Variants in PCDHGA1 observed in about 807,000 individuals in gnomAD.
PCDHGA1 encodes the protein protocadherin gamma-A1.
In PCDHGA1, 32 loss-of-function variants were observed where a neutral mutation model predicts 58.0. That is an observed-to-expected ratio of 0.55 (90% confidence interval 0.42 to 0.74). The LOEUF (loss-of-function observed/expected upper bound fraction) is 0.74. Among genes scored for constraint, PCDHGA1 ranks in the 30% least tolerant of loss-of-function variants. The pLI, the probability that PCDHGA1 is intolerant of heterozygous loss-of-function variation, is 0.00. For missense variants in PCDHGA1, 1,205 were observed against 1,182.3 expected (o/e 1.02, Z -0.28); for synonymous variants, 498 against 501.1 (o/e 0.99, Z 0.08).
intron 1 of PCDHGA1, chr5:141,370,631 C>A (rs1192871928): frequency 6.2e-7 from 1 of 1,613,710 alleles, no homozygotes; most frequent in South Asian, 1.1e-5. Flanking sequence ...CCGTGAGCCC[C>A]GAAAATGGGA....
At chr5:141,381,657 C>A (rs1224064730) in intron 1 of PCDHGA1, among the ~76,000 whole-genome samples, 1 of 152,134 alleles carries the variant, frequency 6.6e-6, no homozygotes, top group Non-Finnish European at 1.5e-5. Context: ...AAATGGGTTG[C>A]TTCTATAGCT....
chr5:141,450,052 G>C (rs2098667259), intron 1 of PCDHGA1, among the ~76,000 whole-genome samples: 1 of 141,832 alleles, frequency 7.1e-6, no homozygotes, highest in African/African-American at 2.7e-5. Flanking sequence ...TTTCGCCCAG[G>C]CTGGAATGCA....
At position 141,512,047 on chromosome 5, in the gene PCDHGA1, C is replaced by T. The variant is rs1183612907; in HGVS notation, c.*874C>T. 1 of 152,722 alleles carries T rather than the reference C, an allele frequency of 6.5e-6. No individual in the cohort carries two copies. The highest frequency in any genetic ancestry group is 1.5e-5 in the Non-Finnish European group (1 of 68,120). The allele number at this position is 152,722 out of a possible 1,614,324, so 9.5% of individuals were successfully genotyped here. A position where few individuals can be genotyped will look rare whatever the true frequency, so the allele number is the denominator to read the frequency against. On this transcript the variant is annotated 3_prime_UTR_variant, in exon 4 of 4. Coordinates refer to ENST00000517417, the MANE Select transcript of PCDHGA1 (RefSeq NM_018912.3). The stretch of plus-strand genomic sequence containing the variant: ...CCTTGGAGGAGGCTCTGTATGTCCT[C>T]AGGGGACTGACAACATCCTCCAGAT...
At position 141,393,513 on chromosome 5, in the gene PCDHGA1, G is replaced by A. The variant is rs376672994; in HGVS notation, c.2421+60408G>A. The A allele has an allele frequency of 6.6e-5, 107 of 1,614,000 alleles. 1 individual carries two copies. In the Middle Eastern group the frequency reaches 1.3e-3, roughly 20 times the overall value. ...AGTGCGCATCCACGTGACAGTGTTG[G>A]ATACAAATGACAATGCCCCGGTTTT... On this transcript the variant is annotated intron_variant, in intron 1 of 3. Transcript: ENST00000517417.
At chr5:141,355,909 G>A (rs760991586) in intron 1 of PCDHGA1, 15 of 1,613,730 alleles carry the variant, frequency 9.3e-6, no homozygotes, top group Non-Finnish European at 1.2e-5. Flanking sequence ...GGATACCAAC[G>A]ATAATGCTCC....
intron 1 of PCDHGA1, among the ~76,000 whole-genome samples, chr5:141,363,946 A>T (rs1763122244): frequency 1.3e-5 from 2 of 152,228 alleles, no homozygotes; most frequent in African/African-American, 4.8e-5. Flanking sequence ...AATCATATTG[A>T]TCTCAGGGAT....
At chr5:141,351,119 C>G in intron 1 of PCDHGA1, 1 of 1,614,056 alleles carries the variant, frequency 6.2e-7, no homozygotes, top group Non-Finnish European at 8.5e-7. Flanking sequence ...AAGTACCAGC[C>G]TCTTCAATCT....
At chr5:141,398,009 C>T (rs1589315775) in intron 1 of PCDHGA1, 2 of 1,400,564 alleles carry the variant, frequency 1.4e-6, no homozygotes, top group Non-Finnish European at 1.9e-6. Flanking sequence ...GAAAAAGAAT[C>T]GTTTCCTAAA....
In PCDHGA1 at chr5:141,431,775, A is replaced by T; in HGVS notation, c.2422-63032A>T. 6.2e-7 allele frequency: 1 copy of T among 1,614,204 alleles called. No homozygotes were observed. Among genetic ancestry groups the T allele is most frequent in the Non-Finnish European group, 8.5e-7 (1 of 1,180,024 alleles). ...GCCAAAGTCCTGATCACTGTTCTGG[A>T]CGTGAACGACAATGCCCCAGAAGTG... On this transcript the variant is annotated intron_variant, in intron 1 of 3. Transcript: ENST00000517417. This position sits in a 1 kb window ranked among gnomAD's most constrained non-coding sequence, Gnocchi z 4.8.
intron 1 of PCDHGA1, chr5:141,361,442 T>A: frequency 6.2e-7 from 1 of 1,613,990 alleles, no homozygotes. Context: ...TCCTCCAGCA[T>A]AATTGTCACC....
At chr5:141,399,806 A>G in intron 1 of PCDHGA1, 1 of 1,613,106 alleles carries the variant, frequency 6.2e-7, no homozygotes, top group Non-Finnish European at 8.5e-7. Context: ...CGGGTGCTGT[A>G]CCCCGCGCTG....
At chr5:141,340,133 G>C in intron 1 of PCDHGA1, 1 of 1,614,126 alleles carries the variant, frequency 6.2e-7, no homozygotes, top group Non-Finnish European at 8.5e-7. Flanking sequence ...TTCACTCCCC[G>C]AGGATCTTCC....
intron 1 of PCDHGA1, chr5:141,361,641 A>G (rs1377463316): frequency 5.6e-6 from 9 of 1,613,720 alleles, no homozygotes; most frequent in Admixed American, 5.0e-5. Context: ...GGGAGATTTT[A>G]TCCTACGTGT....
chr5:141,494,661 G>A, intron 1 of PCDHGA1, 146 bp from the exon 2 acceptor site: 2 of 1,492,976 alleles, frequency 1.3e-6, no homozygotes, highest in Non-Finnish European at 1.8e-6. Context: ...TTTGTCTTTG[G>A]AGATGAGTCC....
rs766852982 is a variant in PCDHGA1, at chr5:141,486,907, A to G, written c.2422-7900A>G. ...CCCGGCCTGGTTCCTTATGTCCCCA[A>G]GCACTGCCTCCATCAGTTGGTGCTG... On this transcript the variant is annotated intron_variant, in intron 1 of 3. Coordinates refer to ENST00000517417, the MANE Select transcript of PCDHGA1 (RefSeq NM_018912.3). The surrounding 1 kb of genome is among the most constrained non-coding windows in gnomAD (Gnocchi z 5.0). 6.2e-5 allele frequency: 100 copies of G among 1,614,122 alleles called. No homozygotes were observed. The highest frequency in any genetic ancestry group is 8.0e-5 in the Non-Finnish European group (94 of 1,180,056).
intron 1 of PCDHGA1, chr5:141,355,373 A>C (rs1279617045): frequency 6.2e-7 from 1 of 1,613,924 alleles, no homozygotes; most frequent in African/African-American, 1.3e-5. Context: ...GCGCCCCGGG[A>C]GCTGGCGGAG....
At chr5:141,397,756 A>AT (rs1283531463) in intron 1 of PCDHGA1, among the ~76,000 whole-genome samples, 1 of 152,210 alleles carries the variant, frequency 6.6e-6, no homozygotes, top group Admixed American at 6.5e-5. Context: ...AGTTGTTATA[A>AT]TTTTTTATTA....
chr5:141,372,310 G>A (rs1768642217), intron 1 of PCDHGA1: 4 of 1,613,452 alleles, frequency 2.5e-6, no homozygotes, highest in Non-Finnish European at 2.5e-6. Context: ...GAGGCCGCCC[G>A]CCAGCGCCTG....
rs755018283 is a variant in PCDHGA1, at chr5:141,365,965, C to T, written c.2421+32860C>T. ...GTGGGAACCCTCCACTTAGCAGCAACGTGTCGCTGAGCCTGTTTGTGCTGG... is the reference window on the plus strand; with the variant it reads ...GTGGGAACCCTCCACTTAGCAGCAATGTGTCGCTGAGCCTGTTTGTGCTGG... On this transcript the variant is annotated intron_variant, in intron 1 of 3. Coordinates refer to ENST00000517417, the MANE Select transcript of PCDHGA1 (RefSeq NM_018912.3). 6 of 1,614,114 alleles carry T rather than the reference C, an allele frequency of 3.7e-6. No homozygotes were observed. The Admixed American group carries it at 8.3e-5, about 22-fold the overall frequency.
Sources: gnomAD v4.1 joint callset for allele counts (sites outside exome capture counted in the v4.1 genomes callset) on GRCh38, gnomAD v4.1.1 for gene constraint, Gnocchi (gnomAD v3.1) non-coding constraint, MANE v1.5 for transcripts, NCBI Gene and HGNC (gene_info 2026-07-23, HGNC 2026-07-21) for gene names.